Variants in HPF1 observed in about 807,000 individuals in gnomAD.
The protein encoded by HPF1 is histone PARylation factor 1, also known as UPF0609 protein C4orf27.
In HPF1, 35 loss-of-function variants were observed where a neutral mutation model predicts 38.8. That is an observed-to-expected ratio of 0.90 (90% CI 0.69 to 1.19). The LOEUF (loss-of-function observed/expected upper bound fraction) is 1.19, where lower values mean the gene tolerates loss of function less well. HPF1 is among the 50% of genes most tolerant of loss of function. The pLI is 0.00. For synonymous variants in HPF1, 115 were observed against 139.2 expected (o/e 0.83, Z 1.22); for missense variants, 367 against 405.8 (o/e 0.90, Z 0.82).
intron 4 of HPF1, among the ~76,000 whole-genome samples, chr4:169,744,024 G>C (rs1053438534): frequency 2.0e-5 from 3 of 152,198 alleles, no homozygotes; most frequent in Admixed American, 1.3e-4. Context: ...TACAGCACAC[G>C]GTTACACTAA....
intron 5 of HPF1, among the ~76,000 whole-genome samples, chr4:169,740,827 A>C (rs2150290586): frequency 6.6e-6 from 1 of 152,338 alleles, no homozygotes; most frequent in Admixed American, 6.5e-5. Flanking sequence ...CTCTGAAATA[A>C]ATCATAGCTT....
At position 169,731,707 on chromosome 4, in the gene HPF1, T is replaced by C; in HGVS notation, c.906A>G (p.Ser302=). ...GGTGGAGGGTTTTTTTACTCACATG[T>C]GAGCCATAGCAAAAGAGATCCATTC... ...ELGMDLFCYG[S]HYFHKVAGQL... The change falls in exon 7 of 8, where the codon TCA becomes TCG. Residue 302 remains serine, a synonymous_variant. Coordinates refer to ENST00000393381, the MANE Select transcript of HPF1 (RefSeq NM_017867.3). 6.5e-7 allele frequency: 1 copy of C among 1,538,678 alleles called. No homozygotes were observed. The highest frequency in any genetic ancestry group is 8.7e-7 in the Non-Finnish European group (1 of 1,149,488).
chr4:169,752,232 G>A (rs62346236), intron 2 of HPF1, among the ~76,000 whole-genome samples: 145 of 134,240 alleles, frequency 1.1e-3, no homozygotes, highest in Non-Finnish European at 2.0e-3. Context: ...GTGCAGTGGT[G>A]TGATCTTGGC....
intron 1 of HPF1, among the ~76,000 whole-genome samples, chr4:169,754,913 ATTTT>A (rs934490472): frequency 4.6e-5 from 7 of 151,864 alleles, no homozygotes; most frequent in African/African-American, 1.4e-4. Context: ...ATATTTATAT[ATTTT>A]TTTATTTTAT....
rs150212029 is a variant in HPF1 at position 169,757,020 on chromosome 4, A to G, written c.48+810T>C. Among the ~76,000 whole-genome samples the G allele has an allele frequency of 3.9e-3, 597 of 152,344 alleles. 4 individuals carry two copies. Among genetic ancestry groups the G allele is most frequent in the Admixed American group, 0.016 (249 of 15,302 alleles). On this transcript the variant is annotated intron_variant, in intron 1 of 7. Transcript: ENST00000393381. Reference sequence around the variant, plus strand: ...AAGAATGTCTCACCCTGTCCGATTTATGACACTACCAGAGTAACTTTTCTA... The same window carrying G: ...AAGAATGTCTCACCCTGTCCGATTTGTGACACTACCAGAGTAACTTTTCTA...
chr4:169,754,962 A>G (rs1393649461), intron 1 of HPF1, among the ~76,000 whole-genome samples: 1 of 152,004 alleles, frequency 6.6e-6, no homozygotes, highest in African/African-American at 2.4e-5. Flanking sequence ...GTACATGTGC[A>G]CAATGTGCAG....
intron 2 of HPF1, among the ~76,000 whole-genome samples, chr4:169,753,036 T>G (rs1734139607): frequency 6.9e-6 from 1 of 145,310 alleles, no homozygotes; most frequent in Non-Finnish European, 1.5e-5. Context: ...AGGTTTTTTT[T>G]TTTTTTTTTT....
At chr4:169,753,033 T>TTG (rs1344703873) in intron 2 of HPF1, among the ~76,000 whole-genome samples, 3 of 144,520 alleles carry the variant, frequency 2.1e-5, no homozygotes, top group Non-Finnish European at 4.5e-5. Flanking sequence ...GTTAGGTTTT[T>TTG]TTTTTTTTTT....
Position 169,757,863 on chromosome 4 carries a change from GCCACCGCCGA to G in HPF1, c.5_14del (p.Val2AlafsTer19). 6.4e-7 allele frequency: 1 copy of G among 1,563,356 alleles called. No individual in the cohort carries two copies. The highest frequency in any genetic ancestry group is 8.6e-7 in the Non-Finnish European group (1 of 1,161,572). ...CCTCTCCGCCGGGCCTGCGCTTCCCGCCACCGCCGACCATTCTGCAGCTGCAGCGCCAGCA... is the reference window on the plus strand; with the variant it reads ...CCTCTCCGCCGGGCCTGCGCTTCCCGCCATTCTGCAGCTGCAGCGCCAGCA... On this transcript the variant is annotated frameshift_variant, in exon 1 of 8. Coordinates refer to ENST00000393381, the MANE Select transcript of HPF1 (RefSeq NM_017867.3). LOFTEE classifies it high-confidence loss of function.
At chr4:169,741,150 A>C (rs35846719) in intron 5 of HPF1, among the ~76,000 whole-genome samples, 5,197 of 152,320 alleles carry the variant, frequency 0.034, 144 homozygotes, top group African/African-American at 0.078. Context: ...AGCTGAATCA[A>C]GATCAGAGAA....
chr4:169,733,951 T>C (rs1389712327), intron 6 of HPF1, among the ~76,000 whole-genome samples: 1 of 151,746 alleles, frequency 6.6e-6, no homozygotes, highest in African/African-American at 2.4e-5. Flanking sequence ...TATATACTAG[T>C]GCTTTTAACC....
At chr4:169,747,538 A>G (rs547888042) in intron 4 of HPF1, among the ~76,000 whole-genome samples, 1 of 152,296 alleles carries the variant, frequency 6.6e-6, no homozygotes, top group African/African-American at 2.4e-5. Flanking sequence ...ATCTACTTGT[A>G]TTTGAAGTGA....
At chr4:169,755,059 T>TC (rs147029791) in intron 1 of HPF1, among the ~76,000 whole-genome samples, 95,469 of 118,570 alleles carry the variant, frequency 0.81, 37,647 homozygotes, top group East Asian at 0.92. Flanking sequence ...ATGCTATCCC[T>TC]CCCCCCGCCC....
intron 6 of HPF1, among the ~76,000 whole-genome samples, chr4:169,736,507 A>G: frequency 1.3e-5 from 2 of 151,546 alleles, no homozygotes. Flanking sequence ...GCAGGGGTAC[A>G]GCAAAAACAG....
chr4:169,747,539 T>G (rs183685859), intron 4 of HPF1, among the ~76,000 whole-genome samples: 96 of 152,314 alleles, frequency 6.3e-4, no homozygotes, highest in Admixed American at 6.0e-3. Context: ...TCTACTTGTA[T>G]TTGAAGTGAT....
At chr4:169,752,779 T>C (rs1300172775) in intron 2 of HPF1, among the ~76,000 whole-genome samples, 1 of 152,158 alleles carries the variant, frequency 6.6e-6, no homozygotes, top group Non-Finnish European at 1.5e-5. Context: ...TCCTCAAACA[T>C]AATTCTTAGT....
At chr4:169,739,270 T>C (rs1733936295) in intron 5 of HPF1, among the ~76,000 whole-genome samples, 1 of 152,058 alleles carries the variant, frequency 6.6e-6, no homozygotes, top group African/African-American at 2.4e-5. Context: ...AATTAACTGA[T>C]AAAATATATC....
chr4:169,739,393 C>T (rs1733937305), intron 5 of HPF1, among the ~76,000 whole-genome samples: 1 of 151,696 alleles, frequency 6.6e-6, no homozygotes, highest in Admixed American at 6.6e-5. Context: ...CTAATTCTAA[C>T]CCTGATAGAG....
At position 169,749,645 on chromosome 4, in the gene HPF1, A is replaced by T. The variant is rs189996506; in HGVS notation, c.399-803T>A. Among the ~76,000 whole-genome samples the T allele has an allele frequency of 7.9e-5, 12 of 151,410 alleles. No individual in the cohort carries two copies. The East Asian group carries it at 2.1e-3, about 27-fold the overall frequency. ...GTTTTAAGCTCCAAGTTTCTTAGGA[A>T]TATCTATGATAAATCTTATATAATG... On this transcript the variant is annotated intron_variant, in intron 3 of 7. Coordinates refer to ENST00000393381, the MANE Select transcript of HPF1 (RefSeq NM_017867.3).
Sources: gnomAD v4.1 joint callset for allele counts (sites outside exome capture counted in the v4.1 genomes callset) on GRCh38, gnomAD v4.1.1 for gene constraint, MANE v1.5 for transcripts, NCBI Gene and HGNC (gene_info 2026-07-23, HGNC 2026-07-21) for gene names.